The following MRPL18 variants were observed in gnomAD, a reference collection of about 807,000 sequenced individuals.
The protein encoded by MRPL18 is mitochondrial ribosomal protein L18, also known as large ribosomal subunit protein uL18m.
MRPL18 carries 16 observed loss-of-function variants against 20.9 expected under a neutral mutation model. The observed-to-expected ratio is 0.76, with a 90% confidence interval of 0.52 to 1.16. The LOEUF is 1.16. Ranked by LOEUF, MRPL18 falls within the 50% of genes most tolerant of loss-of-function variation. The pLI is 0.00. For synonymous variants in MRPL18, 91 were observed against 87.1 expected, an observed-to-expected ratio of 1.04 and a Z score of -0.25; for missense variants, 233 against 230.6, an observed-to-expected ratio of 1.01 and a Z score of -0.07.
At chr6:159,789,888 G>C (rs1583147961), upstream of MRPL18, 1 of 216,224 alleles carries the variant, frequency 4.6e-6, no homozygotes, top group East Asian at 1.1e-4. Context: ...TTCTAGAAAA[G>C]GTTGTAAGAA....
chr6:159,792,056 G>GT (rs764019700), intron 2 of MRPL18, among the ~76,000 whole-genome samples: 1 of 152,146 alleles, frequency 6.6e-6, no homozygotes, highest in Non-Finnish European at 1.5e-5. Context: ...TGCTTTATAT[G>GT]TTTTTTCTCA....
chr6:159,796,810 G>T (rs1161286222), intron 2 of MRPL18, among the ~76,000 whole-genome samples: 1 of 152,042 alleles, frequency 6.6e-6, no homozygotes, highest in African/African-American at 2.4e-5. Context: ...ATATGACATG[G>T]TTTGATGTCA....
At position 159,797,434 on chromosome 6, in the gene MRPL18, AC is replaced by A; in HGVS notation, c.388del (p.Arg130GlufsTer8). On this transcript the variant is annotated frameshift_variant, in exon 3 of 4. Transcript: ENST00000367034. LOFTEE classifies it high-confidence loss of function. ...ATGTGGTGGCTTGTGAGAGTATAGGACGAGTGCTGGCACAGAGATGCTTAGA... is the reference window on the plus strand; with the variant it reads ...ATGTGGTGGCTTGTGAGAGTATAGGAGAGTGCTGGCACAGAGATGCTTAGA... Reference protein sequence around the residue: ...RNVVACESIGRVLAQRCLEAG... With the variant: ...RNVVACESIGXVLAQRCLEAG... 1 of 1,614,170 alleles carries A rather than the reference AC, an allele frequency of 6.2e-7. No individual in the cohort carries two copies. Among genetic ancestry groups the A allele is most frequent in the Non-Finnish European group, 8.5e-7 (1 of 1,180,026 alleles).
intron 2 of MRPL18, among the ~76,000 whole-genome samples, chr6:159,793,176 AT>A (rs1187651610): frequency 6.6e-6 from 1 of 152,074 alleles, no homozygotes; most frequent in Admixed American, 6.5e-5. Flanking sequence ...ATAACTAAAG[AT>A]GTATTTCCTC....
At position 159,791,469 on chromosome 6, in the gene MRPL18, A is replaced by G. The variant is rs1188026332; in HGVS notation, c.239+343A>G. Among the ~76,000 whole-genome samples, 4 of 152,210 alleles carry G rather than the reference A, an allele frequency of 2.6e-5. No individual in the cohort carries two copies. The East Asian group carries it at 5.8e-4, about 22-fold the overall frequency. On this transcript the variant is annotated intron_variant, in intron 2 of 3. Transcript: ENST00000367034. ...CTGAAGCTCAATGGGCAGAGGATGAATGGCCCAAGATGAACATGGAGGGGT... is the reference window on the plus strand; with the variant it reads ...CTGAAGCTCAATGGGCAGAGGATGAGTGGCCCAAGATGAACATGGAGGGGT...
intron 2 of MRPL18, among the ~76,000 whole-genome samples, chr6:159,795,309 C>G (rs1781003798): frequency 6.6e-6 from 1 of 152,236 alleles, no homozygotes; most frequent in South Asian, 2.1e-4. Flanking sequence ...ACGGTCAGGT[C>G]TTTCCCTTCC....
intron 2 of MRPL18, among the ~76,000 whole-genome samples, chr6:159,794,848 G>A (rs1780990885): frequency 6.6e-6 from 1 of 152,152 alleles, no homozygotes; most frequent in African/African-American, 2.4e-5. Context: ...GGGACCCAGG[G>A]AACCAGCGTT....
chr6:159,798,304 C>T lies in MRPL18; in HGVS notation c.*181C>T, dbSNP rs778223541. On this transcript the variant is annotated 3_prime_UTR_variant, in exon 4 of 4. Coordinates refer to ENST00000367034, the MANE Select transcript of MRPL18 (RefSeq NM_014161.5). ...TTCTGTTTTTTTAAATCAAGAACTA[C>T]GTTCTGCCCCTCTCTTGGGCTTCAG... 18 of 517,810 alleles carry T rather than the reference C, an allele frequency of 3.5e-5. No individual in the cohort carries two copies. The highest frequency in any genetic ancestry group is 7.6e-5 in the Admixed American group (2 of 26,448). The allele number at this position is 517,810 out of a possible 1,614,324, so 32.1% of individuals were successfully genotyped here. A position where few individuals can be genotyped will look rare whatever the true frequency, so the allele number is the denominator to read the frequency against.
intron 3 of MRPL18, among the ~76,000 whole-genome samples, chr6:159,797,767 C>T (rs1304059535): frequency 6.6e-6 from 1 of 152,104 alleles, no homozygotes; most frequent in African/African-American, 2.4e-5. Flanking sequence ...GATTTCAAAC[C>T]CAGGGTGACT....
Position 159,791,103 on chromosome 6 carries a change from T to A in MRPL18, c.216T>A (p.Phe72Leu). Residue 72 changes from phenylalanine to leucine, a missense_variant, in exon 2 of 4, where the codon TTT becomes TTA. Coordinates refer to ENST00000367034, the MANE Select transcript of MRPL18 (RefSeq NM_014161.5). ...AAGAGCGGGGCTGGCGGACGGTGTT[T>A]CCCTCCCGTGAGTTCTGGCACAGGT... The part of the protein sequence containing the change: ...ARKERGWRTV[F>L]PSREFWHRLR... 1 of 1,614,192 alleles carries A rather than the reference T, an allele frequency of 6.2e-7. No individual in the cohort carries two copies. Among genetic ancestry groups the A allele is most frequent in the Non-Finnish European group, 8.5e-7 (1 of 1,180,036 alleles).
intron 2 of MRPL18, among the ~76,000 whole-genome samples, chr6:159,796,875 G>A (rs1781042367): frequency 6.6e-6 from 1 of 152,124 alleles, no homozygotes; most frequent in Non-Finnish European, 1.5e-5. Flanking sequence ...TTTTCTTCTA[G>A]TACTGTTATG....
At position 159,797,489 on chromosome 6, in the gene MRPL18, C is replaced by G. The variant is rs142227430; in HGVS notation, c.442C>G (p.Pro148Ala). ...EAGINFMVYQ[P>A]TPWEAASDSM... ...GGGAATCAACTTCATGGTCTACCAA[C>G]CAACCCCGTGGGAGGCAGCCTCAGA... The change falls in exon 3 of 4, where the codon CCA becomes GCA. Residue 148 changes from proline to alanine, a missense_variant. Coordinates refer to ENST00000367034, the MANE Select transcript of MRPL18 (RefSeq NM_014161.5). 3.5e-5 allele frequency: 56 copies of G among 1,614,194 alleles called. No individual in the cohort carries two copies. Among genetic ancestry groups the G allele is most frequent in the Non-Finnish European group, 3.5e-5 (41 of 1,180,036 alleles).
intron 2 of MRPL18, among the ~76,000 whole-genome samples, chr6:159,795,697 G>A (rs1365898607): frequency 6.6e-6 from 1 of 152,160 alleles, no homozygotes; most frequent in Non-Finnish European, 1.5e-5. Flanking sequence ...TTCCCCACAA[G>A]TTATTGATCA....
upstream of MRPL18, chr6:159,790,345 G>T: frequency 1.6e-6 from 1 of 614,066 alleles, no homozygotes; most frequent in Non-Finnish European, 2.9e-6. Flanking sequence ...GTGGTTGGTG[G>T]GCTCCAGGGC....
rs796140833 is a variant in MRPL18 at position 159,795,072 on chromosome 6, G to A, written c.240-2215G>A. 3.9e-5 allele frequency among the ~76,000 whole-genome samples: 6 copies of A among 152,254 alleles called. No homozygotes were observed. The South Asian group carries it at 8.3e-4, about 21-fold the overall frequency. On this transcript the variant is annotated intron_variant, in intron 2 of 3. Coordinates refer to ENST00000367034, the MANE Select transcript of MRPL18 (RefSeq NM_014161.5). Reference sequence around the variant, plus strand: ...TATGCATACACATAAACATCTCAATGCTTTACAAAGCAGTATTGCTGCCCG... The same window carrying A: ...TATGCATACACATAAACATCTCAATACTTTACAAAGCAGTATTGCTGCCCG...
At position 159,790,551 on chromosome 6, in the gene MRPL18, GA is replaced by G. The variant is rs1316522656; in HGVS notation, c.-32del. On this transcript the variant is annotated 5_prime_UTR_variant, in exon 1 of 4. Coordinates refer to ENST00000367034, the MANE Select transcript of MRPL18 (RefSeq NM_014161.5). ...GGCGAGCGACTGAGTCGTCCGTGAG[GA>G]AAAAGAGGCGAGGCTTTTCCGAGAT... 1 of 1,614,012 alleles carries G rather than the reference GA, an allele frequency of 6.2e-7. No individual in the cohort carries two copies. The highest frequency in any genetic ancestry group is 1.7e-5 in the Admixed American group (1 of 60,012).
upstream of MRPL18, chr6:159,790,194 G>A (rs569129909): frequency 1.1e-4 from 30 of 283,422 alleles, no homozygotes; most frequent in Middle Eastern, 1.5e-3. Flanking sequence ...TTATTCCTAC[G>A]CGGTGCCCAG....
intron 1 of MRPL18, 53 bp downstream of exon 1, chr6:159,790,692 A>G (rs1292293697): frequency 1.2e-6 from 2 of 1,601,326 alleles, no homozygotes; most frequent in Non-Finnish European, 8.5e-7. Context: ...CTTGCACAGT[A>G]CATTGGAACG....
upstream of MRPL18, chr6:159,789,896 G>A (rs1391468056): frequency 4.8e-6 from 1 of 209,718 alleles, no homozygotes. Flanking sequence ...AAGGTTGTAA[G>A]AAGGGTGGAG....
Sources: gnomAD v4.1 joint callset for allele counts (sites outside exome capture counted in the v4.1 genomes callset) on GRCh38, gnomAD v4.1.1 for gene constraint, MANE v1.5 for transcripts, NCBI Gene and HGNC (gene_info 2026-07-23, HGNC 2026-07-21) for gene names.